The following DCBLD1 variants were observed in gnomAD, a reference collection of about 807,000 sequenced individuals.
The protein encoded by DCBLD1 is discoidin, CUB and LCCL domain-containing protein 1.
In DCBLD1, 57 loss-of-function variants were observed where a neutral mutation model predicts 71.5. That is an observed-to-expected ratio of 0.80 (90% confidence interval 0.64 to 0.99). The LOEUF (loss-of-function observed/expected upper bound fraction) is 0.99, where lower values mean the gene tolerates loss of function less well. Ranked by LOEUF, DCBLD1 falls within the 50% of genes least tolerant of loss-of-function variation. The pLI, the probability that DCBLD1 is intolerant of heterozygous loss-of-function variation, is 0.00. For missense variants in DCBLD1, 891 were observed against 923.5 expected (o/e 0.96, Z 0.46); for synonymous variants, 380 against 363.8 (o/e 1.04, Z -0.51).
intron 1 of DCBLD1, among the ~76,000 whole-genome samples, chr6:117,484,523 A>G (rs1777017580): frequency 2.0e-5 from 3 of 151,968 alleles, no homozygotes; most frequent in Non-Finnish European, 2.9e-5. Context: ...TAATTTTTGT[A>G]TATTTTGTAG....
Position 117,493,197 on chromosome 6 carries a change from C to T in DCBLD1, c.112+10304C>T, listed in dbSNP as rs116158291. On this transcript the variant is annotated intron_variant, in intron 1 of 14. Transcript: ENST00000338728. ...GGAGGGCTTTTTCAGTCTGTTGCTACTCAGAATATATCTTACAGGATCCAA... is the reference window on the plus strand; with the variant it reads ...GGAGGGCTTTTTCAGTCTGTTGCTATTCAGAATATATCTTACAGGATCCAA... Among the ~76,000 whole-genome samples, 422 of 152,248 alleles carry T rather than the reference C, an allele frequency of 2.8e-3. 1 individual carries two copies. Among genetic ancestry groups the T allele is most frequent in the African/African-American group, 9.7e-3 (405 of 41,550 alleles).
At position 117,549,380 on chromosome 6, in the gene DCBLD1, A is replaced by G; in HGVS notation, c.*941A>G. On this transcript the variant is annotated 3_prime_UTR_variant, in exon 15 of 15. Transcript: ENST00000338728. ...GACCAAGTCTAAATCGAGCTTTTCT[A>G]CTGACATGAAACTGTTGGAAACTGA... is the stretch of plus-strand genomic sequence containing the variant. The G allele has an allele frequency of 1.0e-6, 1 of 985,432 alleles. No homozygotes were observed. The highest frequency in any genetic ancestry group is 1.2e-6 in the Non-Finnish European group (1 of 829,928). The allele number at this position is 985,432 out of a possible 1,614,324, so 61.0% of individuals were successfully genotyped here. A position where few individuals can be genotyped will look rare whatever the true frequency, so the allele number is the denominator to read the frequency against.
At chr6:117,538,588 A>G (rs1778978823) in intron 7 of DCBLD1, 32 bp from the exon 8 acceptor site, 2 of 1,601,566 alleles carry the variant, frequency 1.2e-6, no homozygotes, top group East Asian at 4.5e-5. Flanking sequence ...TTATGTCTGT[A>G]TCTAAAATAT....
chr6:117,552,820 C>T (rs974753644), downstream of DCBLD1, among the ~76,000 whole-genome samples: 7 of 152,178 alleles, frequency 4.6e-5, no homozygotes, highest in Non-Finnish European at 7.3e-5. Flanking sequence ...TCTATCAGCT[C>T]AAAACCCCCT....
At chr6:117,551,274 T>C (rs1779422233), downstream of DCBLD1, among the ~76,000 whole-genome samples, 1 of 152,194 alleles carries the variant, frequency 6.6e-6, no homozygotes. Flanking sequence ...CCCTTTTTTT[T>C]GGTTGTTTTC....
rs541945816 is a variant in DCBLD1, at chr6:117,495,667, G to A, written c.113-8100G>A. On this transcript the variant is annotated intron_variant, in intron 1 of 14. Transcript: ENST00000338728. ...TAATTTATGAATTAGGAAATGATAG[G>A]TGTGTCAACTCTCCTCCCCCACATC... Among the ~76,000 whole-genome samples the A allele has an allele frequency of 6.2e-4, 95 of 152,252 alleles. 2 individuals carry two copies. In the South Asian group the frequency reaches 0.019, roughly 30 times the overall value.
intron 14 of DCBLD1, chr6:117,547,511 C>G (rs1326538414): frequency 4.1e-6 from 2 of 490,686 alleles, no homozygotes; most frequent in Non-Finnish European, 8.3e-6. Context: ...AAACAAACTA[C>G]TCTGTGTCCC....
At chr6:117,498,956 T>A (rs953380543) in intron 1 of DCBLD1, among the ~76,000 whole-genome samples, 17 of 152,310 alleles carry the variant, frequency 1.1e-4, no homozygotes, top group South Asian at 2.1e-4. Flanking sequence ...TTCAAGCAAG[T>A]CTCACTTAAT....
intron 1 of DCBLD1, among the ~76,000 whole-genome samples, chr6:117,499,208 C>T (rs1466635701): frequency 6.9e-6 from 1 of 145,766 alleles, no homozygotes; most frequent in African/African-American, 2.6e-5. Flanking sequence ...TCCAGACCAG[C>T]CTGGGCGACA....
chr6:117,483,334 G>GCCCTGCCCT (rs1003305700), intron 1 of DCBLD1, among the ~76,000 whole-genome samples: 2 of 152,206 alleles, frequency 1.3e-5, no homozygotes, highest in African/African-American at 2.4e-5. Context: ...CCGGCGCTGG[G>GCCCTGCCCT]CCCTGCCCTC....
chr6:117,544,509 G>A lies in DCBLD1; in HGVS notation c.1446-19G>A. Reference sequence around the variant, plus strand: ...TACATTGGCTTATAAATATTCAGTAGGACTTTTTGTCTTGATAGGAAGAAG... The same window carrying A: ...TACATTGGCTTATAAATATTCAGTAAGACTTTTTGTCTTGATAGGAAGAAG... On this transcript the variant is annotated intron_variant, in intron 12 of 14. Coordinates refer to ENST00000338728, the MANE Select transcript of DCBLD1 (RefSeq NM_001366458.2). The A allele has an allele frequency of 6.2e-7, 1 of 1,613,318 alleles. No individual in the cohort carries two copies. The highest frequency in any genetic ancestry group is 8.5e-7 in the Non-Finnish European group (1 of 1,179,720).
chr6:117,538,418 G>A (rs551599064), intron 7 of DCBLD1, among the ~76,000 whole-genome samples: 1 of 152,248 alleles, frequency 6.6e-6, no homozygotes, highest in African/African-American at 2.4e-5. Context: ...AAAAAGAAAA[G>A]CAATAACAGT....
chr6:117,488,239 C>T (rs1331055067), intron 1 of DCBLD1, among the ~76,000 whole-genome samples: 1 of 152,154 alleles, frequency 6.6e-6, no homozygotes, highest in Non-Finnish European at 1.5e-5. Context: ...CGCATGAATG[C>T]TGTGGTTGAG....
chr6:117,549,640 T>G lies in DCBLD1; in HGVS notation c.*1201T>G. ...TGTATTATAACCCTATTTGTGTGGT[T>G]ATTACATCCTGTGAAATGTATATAT... is the stretch of plus-strand genomic sequence containing the variant. On this transcript the variant is annotated 3_prime_UTR_variant, in exon 15 of 15. Transcript: ENST00000338728. 1.0e-6 allele frequency: 1 copy of G among 985,464 alleles called. No homozygotes were observed. Among genetic ancestry groups the G allele is most frequent in the Non-Finnish European group, 1.2e-6 (1 of 829,934 alleles). 61.0% of individuals were successfully genotyped at this position (985,464 alleles called of 1,614,324 possible). A position where few individuals can be genotyped will look rare whatever the true frequency, so the allele number is the denominator to read the frequency against.
chr6:117,538,725 A>G lies in DCBLD1; in HGVS notation c.866A>G (p.Gln289Arg), dbSNP rs753116969. 2 of 1,614,188 alleles carry G rather than the reference A, an allele frequency of 1.2e-6. No individual in the cohort carries two copies. The highest frequency in any genetic ancestry group is 1.7e-6 in the Non-Finnish European group (2 of 1,180,034). The change falls in exon 8 of 15, where the codon CAA becomes CGA. Residue 289 changes from glutamine to arginine, a missense_variant. By Grantham distance (43) the Gln-to-Arg change is conservative. Transcript: ENST00000338728. The stretch of plus-strand genomic sequence containing the variant: ...GACCAAGTTCACTGGTCTCCTGGCC[A>G]AGCCCGACTTCAGGACCAAGGCCCA... Reference protein sequence around the residue: ...SGDQVHWSPGQARLQDQGPSW... With the variant: ...SGDQVHWSPGRARLQDQGPSW...
downstream of DCBLD1, among the ~76,000 whole-genome samples, chr6:117,551,027 C>G (rs1187168665): frequency 6.6e-6 from 1 of 152,182 alleles, no homozygotes; most frequent in African/African-American, 2.4e-5. Flanking sequence ...ACATTGCACA[C>G]CCACCCACAC....
chr6:117,558,259 G>A (rs1053152231), intron 14 of DCBLD1, among the ~76,000 whole-genome samples: 2 of 152,154 alleles, frequency 1.3e-5, no homozygotes, highest in African/African-American at 4.8e-5. Context: ...CTCCATTGTA[G>A]GAGGTAAGGC....
At chr6:117,567,090 G>A in intron 14 of DCBLD1, 2 of 1,354,856 alleles carry the variant, frequency 1.5e-6, no homozygotes, top group South Asian at 1.5e-5. Context: ...AATTTAAAAA[G>A]GATTTCCAAA....
intron 2 of DCBLD1, among the ~76,000 whole-genome samples, chr6:117,507,131 A>G (rs996268693): frequency 1.3e-5 from 2 of 152,240 alleles, no homozygotes; most frequent in African/African-American, 4.8e-5. Context: ...TTGGAATGTG[A>G]TTACATTAAC....
Sources: gnomAD v4.1 joint callset for allele counts (sites outside exome capture counted in the v4.1 genomes callset) on GRCh38, gnomAD v4.1.1 for gene constraint, MANE v1.5 for transcripts, NCBI Gene and HGNC (gene_info 2026-07-23, HGNC 2026-07-21) for gene names.